DPM1: variants seen among roughly 807,000 people sequenced by gnomAD.
DPM1 encodes dolichyl-phosphate mannosyltransferase subunit 1, catalytic, also known as dolichol-phosphate mannosyltransferase subunit 1.
In DPM1, 27 loss-of-function variants were observed where a neutral mutation model predicts 39.0. That is an observed-to-expected ratio of 0.69 (90% confidence interval 0.51 to 0.95). The LOEUF is 0.95. DPM1 is among the 40% of genes least tolerant of loss of function. The pLI, the probability that DPM1 is intolerant of heterozygous loss-of-function variation, is 0.00. For synonymous variants in DPM1, 124 were observed against 109.0 expected (o/e 1.14, Z -0.86); for missense variants, 307 against 315.6 (o/e 0.97, Z 0.21).
intron 5 of DPM1, chr20:50,945,131 G>A (rs1435355624): frequency 1.3e-5 from 2 of 152,910 alleles, no homozygotes; most frequent in Admixed American, 6.5e-5. Context: ...TTTTGTTCAC[G>A]GTGTTTTATT....
chr20:50,938,484 G>A (rs1191056193), intron 7 of DPM1, among the ~76,000 whole-genome samples: 6 of 150,902 alleles, frequency 4.0e-5, no homozygotes, highest in Admixed American at 2.6e-4. Context: ...CCAGGTTCAC[G>A]CCATTCTCCT....
At chr20:50,941,003 C>T in intron 6 of DPM1, 70 bp from the exon 7 acceptor site, 6 of 1,408,426 alleles carry the variant, frequency 4.3e-6, no homozygotes, top group Non-Finnish European at 5.0e-6. Flanking sequence ...CATCGAAGAA[C>T]AGTGTTAAAA....
In DPM1 at chr20:50,936,261, A is replaced by T; in HGVS notation, c.565T>A (p.Leu189Ile). The change falls in exon 8 of 9, where the codon TTA becomes ATA. Residue 189 changes from leucine to isoleucine, a missense_variant and splice_region_variant. Transcript: ENST00000371588. ...GASDLTGSFR[L>I]YRKEVLEKLI... ...TTCTCTAGAACTTCTTTTCGGTATA[A>T]TCTGTAAGAAATTAAAAATATATAT... is the stretch of plus-strand genomic sequence containing the variant. The T allele has an allele frequency of 5.7e-6, 9 of 1,576,834 alleles. No individual in the cohort carries two copies. The highest frequency in any genetic ancestry group is 7.0e-6 in the Non-Finnish European group (8 of 1,147,480).
At chr20:50,937,504 G>A (rs1324675031) in intron 7 of DPM1, among the ~76,000 whole-genome samples, 6 of 151,894 alleles carry the variant, frequency 4.0e-5, no homozygotes, top group Admixed American at 3.9e-4. Context: ...ACTCAATGAA[G>A]ATATATAATA....
At chr20:50,942,577 G>A (rs938529961) in intron 5 of DPM1, among the ~76,000 whole-genome samples, 1 of 152,222 alleles carries the variant, frequency 6.6e-6, no homozygotes, top group East Asian at 1.9e-4. Flanking sequence ...GCTGCAATGG[G>A]AGGATGGCTT....
At chr20:50,957,279 G>A (rs1986876756) in intron 1 of DPM1, among the ~76,000 whole-genome samples, 1 of 152,210 alleles carries the variant, frequency 6.6e-6, no homozygotes, top group East Asian at 1.9e-4. Context: ...TAGGGAAACA[G>A]GCACTCTGAA....
At chr20:50,958,235 T>C in intron 1 of DPM1, 128 bp downstream of exon 1, 1 of 1,274,378 alleles carries the variant, frequency 7.8e-7, no homozygotes, top group Non-Finnish European at 1.1e-6. Flanking sequence ...AGGGTGGCCC[T>C]CTCCCCGGGC....
intron 5 of DPM1, among the ~76,000 whole-genome samples, chr20:50,942,574 T>C (rs1005767963): frequency 1.5e-4 from 23 of 151,298 alleles, no homozygotes; most frequent in Admixed American, 2.6e-4. Flanking sequence ...GAGGCTGCAA[T>C]GGGAGGATGG....
intron 2 of DPM1, among the ~76,000 whole-genome samples, chr20:50,952,178 TA>T (rs1986616698): frequency 1.3e-5 from 2 of 152,326 alleles, no homozygotes; most frequent in South Asian, 4.1e-4. Flanking sequence ...TGGATTCACA[TA>T]AAGTGCTTGC....
chr20:50,940,921 A>G lies in DPM1; in HGVS notation c.507T>C (p.Asn169=). ...LKRKIISRGA[N]FLTQILLRPG... is the part of the protein sequence containing the mutation. ...GTCTCAGCAAGATCTGAGTTAAAAAATTGGCCCCACGGCTGCCAAATAAAA... is the reference window on the plus strand; with the variant it reads ...GTCTCAGCAAGATCTGAGTTAAAAAGTTGGCCCCACGGCTGCCAAATAAAA... Residue 169 remains asparagine, a synonymous_variant, in exon 7 of 9, where the codon AAT becomes AAC. Transcript: ENST00000371588. The G allele has an allele frequency of 1.2e-6, 2 of 1,614,064 alleles. No individual in the cohort carries two copies. Among genetic ancestry groups the G allele is most frequent in the Non-Finnish European group, 1.7e-6 (2 of 1,180,000 alleles).
Position 50,936,139 on chromosome 20 carries a change from G to A in DPM1, c.678+9C>T, listed in dbSNP as rs749718528. The A allele has an allele frequency of 8.4e-5, 133 of 1,581,826 alleles. No individual in the cohort carries two copies. Among genetic ancestry groups the A allele is most frequent in the Non-Finnish European group, 1.1e-4 (122 of 1,150,872 alleles). On this transcript the variant is annotated intron_variant, in intron 8 of 8. Transcript: ENST00000371588. ...GAACATGACACACTATTTAGCATCA[G>A]TTGCATACCTCGCCAATAGTATAAT...
At chr20:50,938,796 G>A (rs1194143847) in intron 7 of DPM1, among the ~76,000 whole-genome samples, 3 of 151,332 alleles carry the variant, frequency 2.0e-5, no homozygotes, top group Non-Finnish European at 4.4e-5. Context: ...CCTGACCAAC[G>A]TGGAGAAACC....
At chr20:50,957,149 ACT>A (rs968161526) in intron 1 of DPM1, among the ~76,000 whole-genome samples, 2 of 152,284 alleles carry the variant, frequency 1.3e-5, no homozygotes, top group South Asian at 2.1e-4. Context: ...AAATTTTAAA[ACT>A]CTGAGGGGCA....
chr20:50,953,134 T>C (rs1281140135), intron 2 of DPM1, among the ~76,000 whole-genome samples: 1 of 152,204 alleles, frequency 6.6e-6, no homozygotes, highest in African/African-American at 2.4e-5. Flanking sequence ...ACAAACTACA[T>C]AAACCAAACA....
chr20:50,948,802 AT>A, intron 2 of DPM1, 140 bp from the exon 3 acceptor site: 2 of 772,626 alleles, frequency 2.6e-6, no homozygotes, highest in Non-Finnish European at 4.3e-6. Flanking sequence ...TATCCTTAAT[AT>A]TTTTTTGCCA....
At chr20:50,935,897 A>G (rs1239355325) in intron 8 of DPM1, among the ~76,000 whole-genome samples, 1 of 152,234 alleles carries the variant, frequency 6.6e-6, no homozygotes, top group Non-Finnish European at 1.5e-5. Flanking sequence ...TAGTTAGAAG[A>G]AAGGGCTAGG....
intron 5 of DPM1, chr20:50,944,685 T>C (rs928920605): frequency 1.3e-5 from 2 of 152,218 alleles, no homozygotes; most frequent in Non-Finnish European, 2.9e-5. Context: ...CTGATTCTGT[T>C]TTTATGTATC....
Position 50,938,652 on chromosome 20 carries a change from T to C in DPM1, c.563+2213A>G, listed in dbSNP as rs1173852368. 3.4e-5 allele frequency among the ~76,000 whole-genome samples: 5 copies of C among 149,054 alleles called. No homozygotes were observed. In the South Asian group the frequency reaches 1.1e-3, roughly 32 times the overall value. On this transcript the variant is annotated intron_variant, in intron 7 of 8. Transcript: ENST00000371588. Reference sequence around the variant, plus strand: ...GCCTCGGCCTCCCCAAGTACTGGGATTACAGGCGTGAGCCACCGCGCCCAG... The same window carrying C: ...GCCTCGGCCTCCCCAAGTACTGGGACTACAGGCGTGAGCCACCGCGCCCAG...
chr20:50,958,351 C>T lies in DPM1; in HGVS notation c.161+12G>A, dbSNP rs374159159. 2 of 1,612,802 alleles carry T rather than the reference C, an allele frequency of 1.2e-6. No homozygotes were observed. Among genetic ancestry groups the T allele is most frequent in the East Asian group, 4.5e-5 (2 of 44,882 alleles). ...CATCTCATTCTTCGGGGAGGGAGAC[C>T]TGGTGCGCTACCTCTCGGAGAAGCT... is the stretch of plus-strand genomic sequence containing the variant. On this transcript the variant is annotated intron_variant, in intron 1 of 8. Transcript: ENST00000371588.
Sources: gnomAD v4.1 joint callset for allele counts (sites outside exome capture counted in the v4.1 genomes callset) on GRCh38, gnomAD v4.1.1 for gene constraint, MANE v1.5 for transcripts, NCBI Gene and HGNC (gene_info 2026-07-23, HGNC 2026-07-21) for gene names.